The following PCDH15 variants were observed in gnomAD, a reference collection of about 807,000 sequenced individuals.
PCDH15 encodes protocadherin related 15.
PCDH15 carries 129 observed loss-of-function variants against 178.5 expected under a neutral mutation model. The observed-to-expected ratio is 0.72, with a 90% CI of 0.63 to 0.84. The LOEUF (loss-of-function observed/expected upper bound fraction) is 0.84, where lower values mean the gene tolerates loss of function less well. PCDH15 is among the 40% of genes least tolerant of loss of function. The pLI is 0.00. For synonymous variants in PCDH15, 800 were observed against 732.0 expected (o/e 1.09, Z -1.50); for missense variants, 2,230 against 2,099.9 (o/e 1.06, Z -1.21).
At chr10:54,205,836 T>G (rs2050741398) in intron 10 of PCDH15, among the ~76,000 whole-genome samples, 1 of 151,988 alleles carries the variant, frequency 6.6e-6, no homozygotes, top group South Asian at 2.1e-4. Context: ...ATAAATAAAT[T>G]CAAAAACCTA....
At chr10:55,450,966 T>C (rs1220413439) in intron 2 of PCDH15, among the ~76,000 whole-genome samples, 1 of 144,930 alleles carries the variant, frequency 6.9e-6, no homozygotes, top group Non-Finnish European at 1.5e-5. Context: ...TATATATATA[T>C]ATATATATAT....
intron 2 of PCDH15, among the ~76,000 whole-genome samples, chr10:54,918,325 G>GA (rs143124091): frequency 4.2e-4 from 63 of 150,680 alleles, no homozygotes; most frequent in African/African-American, 1.0e-3. Context: ...AGAAGTTATA[G>GA]AAAAAAAAAT....
At chr10:55,327,050 G>A (rs763866427) in intron 2 of PCDH15, among the ~76,000 whole-genome samples, 5 of 152,154 alleles carry the variant, frequency 3.3e-5, no homozygotes, top group East Asian at 1.9e-4. Context: ...ACACAAAAGC[G>A]GTAAAATCCA....
intron 2 of PCDH15, among the ~76,000 whole-genome samples, chr10:55,054,173 C>A (rs140864259): frequency 1.7e-3 from 262 of 152,172 alleles, no homozygotes; most frequent in African/African-American, 5.9e-3. Context: ...TTTTGATGTA[C>A]CTTCCACCCT....
rs759941634 is a variant in PCDH15, at chr10:53,852,754, C to CA, written c.3806+4420dup. Among the ~76,000 whole-genome samples the CA allele has an allele frequency of 6.3e-3, 911 of 143,750 alleles. 5 individuals are homozygous for CA. Among genetic ancestry groups the CA allele is most frequent in the South Asian group, 9.9e-3 (45 of 4,544 alleles). The allele number at this position is 143,750 out of a possible 152,430, so 94.3% of individuals were successfully genotyped here. ...ATTTTTGCCTAAAATATTGGTCTAC[C>CA]AAAAAAAAAAATGATCACATGACAT... On this transcript the variant is annotated intron_variant, in intron 28 of 37. Transcript: ENST00000644397.
rs557640112 is a variant in PCDH15 at position 55,246,084 on chromosome 10, T to C, written c.-156+73515A>G. Among the ~76,000 whole-genome samples, 5 of 152,294 alleles carry C rather than the reference T, an allele frequency of 3.3e-5. No homozygotes were observed. The South Asian group carries it at 1.0e-3, about 32-fold the overall frequency. ...AAAGTTTGCATCAATGGCCCAGAAA[T>C]AGGTCTTTTATCACTATTTTGCTGT... On this transcript the variant is annotated intron_variant, in intron 1 of 5. Coordinates refer to the PCDH15 transcript ENST00000458638.
At chr10:54,874,420 C>T (rs1954100603) in intron 3 of PCDH15, among the ~76,000 whole-genome samples, 1 of 149,990 alleles carries the variant, frequency 6.7e-6, no homozygotes, top group Non-Finnish European at 1.5e-5. Flanking sequence ...GTGAATAATG[C>T]TGCAATAAAC....
intron 23 of PCDH15, among the ~76,000 whole-genome samples, chr10:53,951,289 G>T (rs1222728157): frequency 1.3e-5 from 2 of 152,106 alleles, no homozygotes; most frequent in Admixed American, 6.6e-5. Flanking sequence ...GTGTAATAGG[G>T]ATATTACCCG....
upstream of PCDH15, among the ~76,000 whole-genome samples, chr10:54,804,303 T>G (rs879289604): frequency 8.4e-4 from 128 of 152,326 alleles, 1 homozygote; most frequent in Non-Finnish European, 1.4e-3. Flanking sequence ...CCTCCCAAAG[T>G]GCTGGGATTA....
intron 2 of PCDH15, among the ~76,000 whole-genome samples, chr10:54,640,193 TAA>T (rs1043878947): frequency 1.3e-5 from 2 of 152,150 alleles, no homozygotes; most frequent in African/African-American, 4.8e-5. Context: ...AATTTGATAA[TAA>T]AGTTATTTTG....
At chr10:54,199,852 C>T (rs1371578092) in intron 10 of PCDH15, among the ~76,000 whole-genome samples, 2 of 151,862 alleles carry the variant, frequency 1.3e-5, no homozygotes, top group Non-Finnish European at 2.9e-5. Context: ...TATTTAAGTG[C>T]TAGGTTTTGT....
chr10:54,443,115 A>G (rs1439801166), intron 3 of PCDH15, among the ~76,000 whole-genome samples: 2 of 151,670 alleles, frequency 1.3e-5, no homozygotes, highest in Non-Finnish European at 3.0e-5. Context: ...AGCATCTGAA[A>G]TCACTGCTAG....
At chr10:54,286,767 C>T (rs946825005) in intron 8 of PCDH15, among the ~76,000 whole-genome samples, 1 of 152,140 alleles carries the variant, frequency 6.6e-6, no homozygotes, top group Non-Finnish European at 1.5e-5. Flanking sequence ...GCTTGGATTA[C>T]AAGCACCACC....
At chr10:55,061,286 G>A (rs1841423466) in intron 2 of PCDH15, among the ~76,000 whole-genome samples, 1 of 152,142 alleles carries the variant, frequency 6.6e-6, no homozygotes, top group South Asian at 2.1e-4. Context: ...ATACATAGTT[G>A]TCAAATAAGA....
intron 25 of PCDH15, among the ~76,000 whole-genome samples, chr10:53,935,672 T>C (rs1352610289): frequency 6.6e-6 from 1 of 152,256 alleles, no homozygotes; most frequent in African/African-American, 2.4e-5. Flanking sequence ...ACTAAACATA[T>C]TTGTCATCTC....
At chr10:55,521,526 A>G (rs1841175973) in intron 2 of PCDH15, among the ~76,000 whole-genome samples, 1 of 151,984 alleles carries the variant, frequency 6.6e-6, no homozygotes, top group Non-Finnish European at 1.5e-5. Flanking sequence ...GGTCATATCC[A>G]GATAAACTCA....
chr10:55,108,764 C>T (rs1030100049), intron 2 of PCDH15, among the ~76,000 whole-genome samples: 1 of 151,780 alleles, frequency 6.6e-6, no homozygotes, highest in Admixed American at 6.6e-5. Flanking sequence ...TCTATAGTTT[C>T]AGGCCTGAAA....
At chr10:55,412,452 G>GTGGGGAGTGTGGC (rs1838362718) in intron 2 of PCDH15, among the ~76,000 whole-genome samples, 1 of 151,968 alleles carries the variant, frequency 6.6e-6, no homozygotes, top group Admixed American at 6.6e-5. Flanking sequence ...ATAGAGTAGA[G>GTGGGGAGTGTGGC]TGGGGAGTGT....
intron 2 of PCDH15, among the ~76,000 whole-genome samples, chr10:55,142,476 A>G (rs1335380539): frequency 6.6e-6 from 1 of 151,602 alleles, no homozygotes; most frequent in Non-Finnish European, 1.5e-5. Flanking sequence ...ATATATGCAC[A>G]TATAAGTTAA....
Sources: allele counts gnomAD v4.1 joint callset (sites outside exome capture counted in the v4.1 genomes callset), GRCh38; gene constraint gnomAD v4.1.1; transcripts MANE v1.5; gene names NCBI Gene and HGNC (gene_info 2026-07-23, HGNC 2026-07-21).